TRPC6: variants seen among roughly 807,000 people sequenced by gnomAD.
TRPC6 encodes transient receptor potential cation channel subfamily C member 6.
Under a neutral mutation model 90.7 loss-of-function variants are expected in TRPC6, and 55 were observed. The observed-to-expected ratio is 0.61, with a 90% CI of 0.49 to 0.76. The LOEUF (loss-of-function observed/expected upper bound fraction) is 0.76, where lower values mean the gene tolerates loss of function less well. Ranked by LOEUF, TRPC6 falls within the 30% of genes least tolerant of loss-of-function variation. TRPC6 has a pLI of 0.00. For missense variants in TRPC6, 989 were observed against 1,122.7 expected, an observed-to-expected ratio of 0.88 and a Z score of 1.70; for synonymous variants, 393 against 393.0, an observed-to-expected ratio of 1.00 and a Z score of 0.00.
intron 1 of TRPC6, among the ~76,000 whole-genome samples, chr11:101,560,831 T>C (rs1362568595): frequency 2.6e-5 from 4 of 152,180 alleles, no homozygotes; most frequent in East Asian, 1.9e-4. Context: ...GTCAGAAGCA[T>C]TGATCATTTA....
At chr11:101,473,866 A>G in intron 6 of TRPC6, 93 bp from the exon 7 acceptor site, 1 of 1,577,002 alleles carries the variant, frequency 6.3e-7, no homozygotes, top group South Asian at 1.1e-5. Context: ...TAGTTATGTT[A>G]GAATCCGGTT....
chr11:101,469,718 T>C (rs956462272), intron 9 of TRPC6, among the ~76,000 whole-genome samples: 5 of 152,186 alleles, frequency 3.3e-5, no homozygotes, highest in Non-Finnish European at 5.9e-5. Flanking sequence ...AAACCACCCA[T>C]TTAATTAAGT....
chr11:101,508,772 C>T (rs1319894710), intron 1 of TRPC6, among the ~76,000 whole-genome samples: 1 of 152,064 alleles, frequency 6.6e-6, no homozygotes, highest in Non-Finnish European at 1.5e-5. Context: ...GGAGTGAGAA[C>T]TTGCAAGATA....
intron 1 of TRPC6, among the ~76,000 whole-genome samples, chr11:101,555,159 C>T (rs1861533757): frequency 6.6e-6 from 1 of 152,182 alleles, no homozygotes; most frequent in South Asian, 2.1e-4. Flanking sequence ...TGTACATTCA[C>T]TAGATGATTA....
chr11:101,483,136 CATGA>C lies in TRPC6; in HGVS notation c.1319_1322del (p.Phe440Ter). The stretch of plus-strand genomic sequence containing the variant: ...AGGAGGCTGCGTGTGCTACAAACTT[CATGA>C]ATGGTCCACGCATTATCTTCCCCAT... On this transcript the variant is annotated frameshift_variant, in exon 5 of 13. Transcript: ENST00000344327. LOFTEE classifies it high-confidence loss of function. 1 of 1,614,010 alleles carries C rather than the reference CATGA, an allele frequency of 6.2e-7. No homozygotes were observed. The highest frequency in any genetic ancestry group is 8.5e-7 in the Non-Finnish European group (1 of 1,179,918).
intron 2 of TRPC6, among the ~76,000 whole-genome samples, chr11:101,497,879 G>A (rs374897045): frequency 3.3e-5 from 5 of 151,706 alleles, no homozygotes; most frequent in Admixed American, 6.6e-5. Flanking sequence ...GACAGGCCCC[G>A]GTGTGTGATG....
chr11:101,488,307 AT>A (rs1859723996), intron 4 of TRPC6, among the ~76,000 whole-genome samples: 1 of 152,228 alleles, frequency 6.6e-6, no homozygotes, highest in African/African-American at 2.4e-5. Context: ...TGAACATAGC[AT>A]TTTTACCAAA....
In TRPC6 at chr11:101,546,323, C is replaced by T. The variant is rs1365358820; in HGVS notation, c.170+37011G>A. On this transcript the variant is annotated intron_variant, in intron 1 of 12. Coordinates refer to ENST00000344327, the MANE Select transcript of TRPC6 (RefSeq NM_004621.6). ...TCCTGACCTCATGATCCACCCGCCTCGGCCTCCCAAAGTGCTGGGATTACA... is the reference window on the plus strand; with the variant it reads ...TCCTGACCTCATGATCCACCCGCCTTGGCCTCCCAAAGTGCTGGGATTACA... Among the ~76,000 whole-genome samples the T allele has an allele frequency of 3.0e-5, 2 of 66,044 alleles. 1 individual carries two copies. The highest frequency in any genetic ancestry group is 6.4e-5 in the Non-Finnish European group (2 of 31,458). The allele number at this position is 66,044 out of a possible 152,430, so 43.3% of individuals were successfully genotyped here. A position where few individuals can be genotyped will look rare whatever the true frequency, so the allele number is the denominator to read the frequency against.
intron 1 of TRPC6, among the ~76,000 whole-genome samples, chr11:101,555,582 T>G (rs1007917743): frequency 6.6e-6 from 1 of 152,210 alleles, no homozygotes; most frequent in African/African-American, 2.4e-5. Context: ...TAAACATATT[T>G]CATCTTTTTG....
At chr11:101,543,606 C>T (rs1222876382) in intron 1 of TRPC6, among the ~76,000 whole-genome samples, 1 of 152,028 alleles carries the variant, frequency 6.6e-6, no homozygotes, top group Non-Finnish European at 1.5e-5. Flanking sequence ...TGATCTTTGA[C>T]AAACCTGACA....
At chr11:101,459,891 G>A (rs1023854159) in intron 10 of TRPC6, among the ~76,000 whole-genome samples, 2 of 152,098 alleles carry the variant, frequency 1.3e-5, no homozygotes, top group South Asian at 2.1e-4. Context: ...TAGTGTTTAC[G>A]ATTTTCAAAG....
rs1860208478 is a variant in TRPC6, at chr11:101,504,502, T to G, written c.467A>C (p.Glu156Ala). ...AGCATCCCCAACTCGAGAGAGGTTT[T>G]CTTTCTTGAGAAGAAGTTCTGTAAT... ...LEITELLLKK[E>A]NLSRVGDALL... The change falls in exon 2 of 13, where the codon GAA becomes GCA. Residue 156 changes from glutamate to alanine, a missense_variant. Glu to Ala is a moderately radical substitution (Grantham distance 107). This residue lies in a region of TRPC6 where 486 missense variants were observed against 591.9 expected (regional missense o/e 0.82). Transcript: ENST00000344327. 3 of 1,614,128 alleles carry G rather than the reference T, an allele frequency of 1.9e-6. No individual in the cohort carries two copies. Among genetic ancestry groups the G allele is most frequent in the Non-Finnish European group, 2.5e-6 (3 of 1,179,996 alleles).
intron 2 of TRPC6, among the ~76,000 whole-genome samples, chr11:101,497,672 C>T (rs1039271995): frequency 6.6e-6 from 1 of 152,020 alleles, no homozygotes; most frequent in Non-Finnish European, 1.5e-5. Context: ...ACAATTCCTG[C>T]TATATAAAAG....
At chr11:101,460,652 A>G (rs1265762664) in intron 10 of TRPC6, among the ~76,000 whole-genome samples, 3 of 152,198 alleles carry the variant, frequency 2.0e-5, no homozygotes, top group African/African-American at 7.2e-5. Context: ...TTAGGTGGAA[A>G]GGAAAAGAGC....
Position 101,538,540 on chromosome 11 carries a change from C to T in TRPC6, c.171-33742G>A, listed in dbSNP as rs139764231. On this transcript the variant is annotated intron_variant, in intron 1 of 12. Coordinates refer to ENST00000344327, the MANE Select transcript of TRPC6 (RefSeq NM_004621.6). ...ATCCCTGGAACCTGTAAGTATGTTA[C>T]GTTACATGGCAAAAGGGACTCTGCA... 3.5e-3 allele frequency among the ~76,000 whole-genome samples: 535 copies of T among 152,164 alleles called. 3 individuals carry two copies. The highest frequency in any genetic ancestry group is 0.012 in the African/African-American group (496 of 41,508).
chr11:101,536,982 T>G (rs956497166), intron 1 of TRPC6, among the ~76,000 whole-genome samples: 2 of 152,076 alleles, frequency 1.3e-5, no homozygotes, highest in African/African-American at 4.8e-5. Context: ...AAGGTAGAAT[T>G]GATAGGATTT....
chr11:101,479,114 G>T (rs1255235828), intron 5 of TRPC6, among the ~76,000 whole-genome samples: 2 of 152,146 alleles, frequency 1.3e-5, no homozygotes, highest in African/African-American at 4.8e-5. Flanking sequence ...CCCCTCAAGT[G>T]CTGTTCTGAG....
intron 1 of TRPC6, among the ~76,000 whole-genome samples, chr11:101,511,134 T>C (rs908452888): frequency 2.6e-5 from 4 of 152,174 alleles, no homozygotes; most frequent in Non-Finnish European, 5.9e-5. Flanking sequence ...TAGACTCAGA[T>C]ATTTAGAGAT....
At chr11:101,464,986 G>A (rs901163444) in intron 10 of TRPC6, among the ~76,000 whole-genome samples, 1 of 152,112 alleles carries the variant, frequency 6.6e-6, no homozygotes, top group Non-Finnish European at 1.5e-5. Flanking sequence ...AGGCAGGCCT[G>A]GTGGTGACAA....
Sources: allele counts gnomAD v4.1 joint callset (sites outside exome capture counted in the v4.1 genomes callset), GRCh38; gene constraint gnomAD v4.1.1; regional missense constraint gnomAD v4.1.1; transcripts MANE v1.5; gene names NCBI Gene and HGNC (gene_info 2026-07-23, HGNC 2026-07-21).